Variants in STPG2 observed in about 807,000 individuals in gnomAD.
STPG2 encodes sperm-tail PG-rich repeat-containing protein 2.
Under a neutral mutation model 54.2 loss-of-function variants are expected in STPG2, and 56 were observed. The ratio of observed to expected loss-of-function variants is 1.03; its 90% CI spans 0.83 to 1.29. The LOEUF is 1.29. STPG2 is among the 50% of genes most tolerant of loss of function. The pLI, the probability that STPG2 is intolerant of heterozygous loss-of-function variation, is 0.00. For synonymous variants in STPG2, 200 were observed against 181.8 expected, an observed-to-expected ratio of 1.10 and a Z score of -0.81; for missense variants, 596 against 544.9, an observed-to-expected ratio of 1.09 and a Z score of -0.93.
At chr4:97,962,687 A>T (rs1487321917) in intron 7 of STPG2, among the ~76,000 whole-genome samples, 13 of 152,214 alleles carry the variant, frequency 8.5e-5, no homozygotes, top group Admixed American at 8.5e-4. Flanking sequence ...TTCACTTAGT[A>T]TTGCAACAAC....
At chr4:97,630,175 T>C (rs1158727269) in intron 10 of STPG2, among the ~76,000 whole-genome samples, 1 of 151,848 alleles carries the variant, frequency 6.6e-6, no homozygotes, top group Non-Finnish European at 1.5e-5. Context: ...ATATGCAAAT[T>C]TTGCTGTGGA....
chr4:97,727,978 T>C (rs2149023509), intron 9 of STPG2, among the ~76,000 whole-genome samples: 1 of 152,102 alleles, frequency 6.6e-6, no homozygotes, highest in South Asian at 2.1e-4. Context: ...ATTTATATCA[T>C]CTTTGGTTTT....
chr4:98,077,225 T>TTTGTTGTTG (rs56140336), intron 5 of STPG2, among the ~76,000 whole-genome samples: 9,478 of 148,644 alleles, frequency 0.064, 637 homozygotes, highest in African/African-American at 0.18. Context: ...CCTCAATAGT[T>TTTGTTGTTG]TTGTTGTTGT....
intron 9 of STPG2, among the ~76,000 whole-genome samples, chr4:97,777,523 C>T (rs1448513509): frequency 6.6e-6 from 1 of 152,126 alleles, no homozygotes; most frequent in East Asian, 1.9e-4. Context: ...CAAGATTTTC[C>T]CAGCCATGTT....
At chr4:98,129,285 CAAAA>C (rs1394817221) in intron 2 of STPG2, among the ~76,000 whole-genome samples, 1 of 152,116 alleles carries the variant, frequency 6.6e-6, no homozygotes, top group Non-Finnish European at 1.5e-5. Context: ...ATCTACTATG[CAAAA>C]ACAAACTTTG....
chr4:97,462,348 C>T (rs1379961905), intron 4 of STPG2, among the ~76,000 whole-genome samples: 1 of 151,776 alleles, frequency 6.6e-6, no homozygotes, highest in Non-Finnish European at 1.5e-5. Flanking sequence ...ATTCTCTAAG[C>T]TATTTTCTTA....
chr4:97,715,274 C>T (rs937620760), intron 9 of STPG2, among the ~76,000 whole-genome samples: 1 of 152,126 alleles, frequency 6.6e-6, no homozygotes, highest in Non-Finnish European at 1.5e-5. Flanking sequence ...TTTTTAGATA[C>T]CAAAATGTCA....
At chr4:97,451,297 T>C (rs1346561950) in intron 4 of STPG2, among the ~76,000 whole-genome samples, 1 of 152,062 alleles carries the variant, frequency 6.6e-6, no homozygotes, top group Non-Finnish European at 1.5e-5. Context: ...AATATGCCCA[T>C]TATATTAAGA....
At chr4:97,451,575 A>G (rs973233788) in intron 4 of STPG2, among the ~76,000 whole-genome samples, 18 of 152,208 alleles carry the variant, frequency 1.2e-4, no homozygotes, top group Non-Finnish European at 2.9e-5. Flanking sequence ...CTTGTACTTG[A>G]GAAAGAGAGA....
At chr4:98,085,048 T>C (rs1271278590) in intron 5 of STPG2, among the ~76,000 whole-genome samples, 1 of 152,118 alleles carries the variant, frequency 6.6e-6, no homozygotes, top group Non-Finnish European at 1.5e-5. Context: ...GTACAGATTT[T>C]CTCCAGTATT....
intron 4 of STPG2, among the ~76,000 whole-genome samples, chr4:97,475,945 TA>T (rs35605242): frequency 6.6e-6 from 1 of 151,132 alleles, no homozygotes; most frequent in African/African-American, 2.4e-5. Context: ...TACTACTACC[TA>T]AAAAAAAAGT....
At chr4:97,951,744 T>G (rs552384921) in intron 7 of STPG2, among the ~76,000 whole-genome samples, 2 of 152,170 alleles carry the variant, frequency 1.3e-5, no homozygotes, top group Non-Finnish European at 2.9e-5. Context: ...CCCCATGATG[T>G]GTGCTTTTAA....
chr4:97,769,508 G>C (rs1202615681), intron 9 of STPG2, among the ~76,000 whole-genome samples: 1 of 152,090 alleles, frequency 6.6e-6, no homozygotes, highest in East Asian at 1.9e-4. Context: ...CAGATAATTT[G>C]TGATTATCAG....
intron 5 of STPG2, among the ~76,000 whole-genome samples, chr4:98,096,698 GAT>G (rs1295227420): frequency 6.6e-6 from 1 of 151,906 alleles, no homozygotes; most frequent in Non-Finnish European, 1.5e-5. Context: ...TTTTTGAAAA[GAT>G]AAACAAATTG....
intron 5 of STPG2, chr4:98,026,128 A>G (rs1736411925): frequency 3.4e-6 from 5 of 1,465,170 alleles, no homozygotes; most frequent in Middle Eastern, 4.9e-4. Context: ...GAGAGAATCC[A>G]GTCTATGAAA....
intron 5 of STPG2, among the ~76,000 whole-genome samples, chr4:98,087,115 A>G (rs1738543613): frequency 6.6e-6 from 1 of 152,190 alleles, no homozygotes; most frequent in Non-Finnish European, 1.5e-5. Flanking sequence ...TATTTAAGGA[A>G]TCAACCTAGA....
At chr4:97,950,260 A>T (rs184184988) in intron 7 of STPG2, among the ~76,000 whole-genome samples, 2 of 152,172 alleles carry the variant, frequency 1.3e-5, no homozygotes, top group East Asian at 3.9e-4. Flanking sequence ...GCCATTTTAC[A>T]TAATCTATTA....
chr4:97,906,264 A>T (rs1285398199), intron 8 of STPG2, among the ~76,000 whole-genome samples: 4 of 152,370 alleles, frequency 2.6e-5, no homozygotes, highest in East Asian at 1.9e-4. Flanking sequence ...TAGAAAATCT[A>T]GAAGAAATGG....
intron 10 of STPG2, among the ~76,000 whole-genome samples, chr4:97,560,979 C>T (rs1172894195): frequency 6.6e-6 from 1 of 152,132 alleles, no homozygotes; most frequent in African/African-American, 2.4e-5. Context: ...AATGGGATGG[C>T]CGGGTCAAAT....
Sources: allele counts gnomAD v4.1 joint callset (sites outside exome capture counted in the v4.1 genomes callset), GRCh38; gene constraint gnomAD v4.1.1; transcripts MANE v1.5; gene names NCBI Gene and HGNC (gene_info 2026-07-23, HGNC 2026-07-21).